The following CHRDL1 variants were observed in gnomAD, a reference collection of about 807,000 sequenced individuals.
CHRDL1 encodes chordin like 1.
Under a neutral mutation model 40.9 loss-of-function variants are expected in CHRDL1, and 19 were observed. That is an observed-to-expected ratio of 0.46 (90% CI 0.32 to 0.68). CHRDL1 has a LOEUF of 0.68. Among genes scored for constraint, CHRDL1 ranks in the 30% least tolerant of loss-of-function variants. The pLI is 0.03. For synonymous variants in CHRDL1, 136 were observed against 123.4 expected, an observed-to-expected ratio of 1.10 and a Z score of -0.68; for missense variants, 329 against 352.1, an observed-to-expected ratio of 0.93 and a Z score of 0.53.
intron 11 of CHRDL1, among the ~76,000 whole-genome samples, chrX:110,678,584 C>T (rs778589675): frequency 1.4e-4 from 16 of 111,405 alleles, no homozygotes; most frequent in Non-Finnish European, 3.0e-4. Context: ...AAGCCTTCCC[C>T]GACTAAGCCC....
chrX:110,785,204 G>C (rs779161236), intron 2 of CHRDL1, among the ~76,000 whole-genome samples: 15 of 111,518 alleles, frequency 1.3e-4, no homozygotes, highest in Admixed American at 5.7e-4. Flanking sequence ...CCTGCAACTC[G>C]TGTCTAAACC....
intron 2 of CHRDL1, among the ~76,000 whole-genome samples, chrX:110,774,099 T>C (rs1158991570): frequency 1.8e-5 from 2 of 111,918 alleles, no homozygotes; most frequent in Non-Finnish European, 3.8e-5. Flanking sequence ...TTGGAGAATA[T>C]ACCCCTTTAT....
intron 8 of CHRDL1, 116 bp from the exon 9 acceptor site, chrX:110,688,919 G>T: frequency 1.8e-6 from 1 of 551,382 alleles, no homozygotes; most frequent in Non-Finnish European, 3.0e-6. Flanking sequence ...TCTTGTCATA[G>T]CCATGGGGCT....
At chrX:110,721,896 C>A (rs1197739666) in intron 4 of CHRDL1, among the ~76,000 whole-genome samples, 2 of 112,588 alleles carry the variant, frequency 1.8e-5, no homozygotes, top group African/African-American at 3.2e-5. Flanking sequence ...AAGATATTAT[C>A]TTTCCTGAAA....
At chrX:110,785,864 AAC>A (rs1346220732) in intron 2 of CHRDL1, among the ~76,000 whole-genome samples, 1 of 112,339 alleles carries the variant, frequency 8.9e-6, no homozygotes, top group African/African-American at 3.2e-5. Flanking sequence ...AGACATATTA[AAC>A]ATCTATTTAA....
Position 110,675,725 on chromosome X carries a change from G to GA in CHRDL1, c.*505_*506insT, listed in dbSNP as rs1491183197. 1.9e-5 allele frequency: 2 copies of GA among 105,683 alleles called. No individual in the cohort carries two copies. The highest frequency in any genetic ancestry group is 3.9e-5 in the Non-Finnish European group (2 of 51,648). 8.7% of individuals were successfully genotyped at this position (105,683 alleles called of 1,213,427 possible). ...TGTGTGTGTGTCTGTGAGAGAGGGA[G>GA]GGAGAGAGAGAGAGAGAGAGAAGGA... On this transcript the variant is annotated 3_prime_UTR_variant, in exon 12 of 12. Transcript: ENST00000372042.
chrX:110,697,604 T>C (rs1442982540), intron 7 of CHRDL1, among the ~76,000 whole-genome samples: 3 of 110,586 alleles, frequency 2.7e-5, no homozygotes, highest in Non-Finnish European at 3.8e-5. Flanking sequence ...CAAACCATTG[T>C]TCTGACAGTA....
chrX:110,755,051 T>TC (rs1417037161), intron 4 of CHRDL1, among the ~76,000 whole-genome samples: 1 of 110,573 alleles, frequency 9.0e-6, no homozygotes, highest in African/African-American at 3.3e-5. Context: ...ACCACTTCAT[T>TC]CCCCCAAAAG....
At chrX:110,734,939 T>C (rs1169272209) in intron 4 of CHRDL1, among the ~76,000 whole-genome samples, 4 of 112,148 alleles carry the variant, frequency 3.6e-5, no homozygotes, top group Non-Finnish European at 7.5e-5. Flanking sequence ...TGTGGTAATG[T>C]TGTCACTCAC....
At chrX:110,770,365 T>G (rs1335316054) in intron 2 of CHRDL1, among the ~76,000 whole-genome samples, 1 of 20,101 alleles carries the variant, frequency 5.0e-5, no homozygotes, top group African/African-American at 9.4e-5. Context: ...GAAAGTATTT[T>G]GTACTAAATG....
intron 6 of CHRDL1, among the ~76,000 whole-genome samples, chrX:110,717,066 T>A (rs1270673530): frequency 6.3e-5 from 7 of 111,874 alleles, no homozygotes; most frequent in African/African-American, 1.6e-4. Context: ...TCAGATTTTT[T>A]AAAACAAATC....
chrX:110,682,765 T>G (rs1441115219), intron 9 of CHRDL1, among the ~76,000 whole-genome samples: 2 of 112,338 alleles, frequency 1.8e-5, no homozygotes, highest in Non-Finnish European at 1.9e-5. Flanking sequence ...CATTTGGCAT[T>G]GTAAGGACAA....
intron 2 of CHRDL1, among the ~76,000 whole-genome samples, chrX:110,770,872 C>T (rs1391712532): frequency 3.6e-5 from 4 of 111,776 alleles, no homozygotes; most frequent in Admixed American, 9.4e-5. Context: ...TGAGACTGGG[C>T]GTGGTGGCTC....
At chrX:110,689,072 G>GTATATATATATATATATATATA (rs758293619) in intron 8 of CHRDL1, among the ~76,000 whole-genome samples, 2 of 31,191 alleles carry the variant, frequency 6.4e-5, no homozygotes, top group African/African-American at 4.9e-4. Context: ...ATATATATAT[G>GTATATATATATATATATATATA]TATATATATA....
intron 4 of CHRDL1, among the ~76,000 whole-genome samples, chrX:110,758,303 C>CA (rs1365862189): frequency 8.8e-5 from 9 of 102,797 alleles, no homozygotes; most frequent in East Asian, 3.1e-4. Context: ...GGACTTATTC[C>CA]AAAAAAAACC....
chrX:110,721,616 T>C, intron 4 of CHRDL1, 86 bp from the exon 5 acceptor site: 1 of 784,681 alleles, frequency 1.3e-6, no homozygotes, highest in Non-Finnish European at 1.9e-6. Flanking sequence ...GGGGCTGTAC[T>C]ACATAGAGGG....
intron 4 of CHRDL1, among the ~76,000 whole-genome samples, chrX:110,754,847 A>C (rs1414639011): frequency 9.0e-6 from 1 of 110,794 alleles, no homozygotes; most frequent in Non-Finnish European, 1.9e-5. Flanking sequence ...GCAAATTCTC[A>C]GTGGAATGAC....
intron 3 of CHRDL1, among the ~76,000 whole-genome samples, chrX:110,762,252 A>C (rs745512517): frequency 4.5e-5 from 5 of 111,716 alleles, no homozygotes; most frequent in Non-Finnish European, 9.4e-5. Flanking sequence ...GAAAATGTTT[A>C]TTTTTCTTGC....
At chrX:110,782,670 A>G (rs757468076) in intron 2 of CHRDL1, among the ~76,000 whole-genome samples, 1 of 112,764 alleles carries the variant, frequency 8.9e-6, no homozygotes, top group Non-Finnish European at 1.9e-5. Context: ...TACATCAGTG[A>G]CAACACATAA....
Sources: allele counts gnomAD v4.1 joint callset (sites outside exome capture counted in the v4.1 genomes callset), GRCh38; gene constraint gnomAD v4.1.1; transcripts MANE v1.5; gene names NCBI Gene and HGNC (gene_info 2026-07-23, HGNC 2026-07-21).